BTBD10: variants seen among roughly 807,000 people sequenced by gnomAD.
The protein encoded by BTBD10 is BTB domain containing 10.
BTBD10 carries 21 observed loss-of-function variants against 53.2 expected under a neutral mutation model. The observed-to-expected ratio is 0.39, with a 90% confidence interval of 0.28 to 0.57. BTBD10 has a LOEUF of 0.57. Ranked by LOEUF, BTBD10 falls within the 20% of genes least tolerant of loss-of-function variation. The pLI, the probability that BTBD10 is intolerant of heterozygous loss-of-function variation, is 0.53. For missense variants in BTBD10, 360 were observed against 594.7 expected, an observed-to-expected ratio of 0.61 and a Z score of 4.10; for synonymous variants, 149 against 192.7, an observed-to-expected ratio of 0.77 and a Z score of 1.88.
intron 4 of BTBD10, 144 bp from the exon 5 acceptor site, chr11:13,417,404 C>A: frequency 3.6e-6 from 2 of 558,190 alleles, no homozygotes; most frequent in Non-Finnish European, 6.0e-6. Flanking sequence ...TGGCAAACAT[C>A]ATAAAAGAAA....
intron 2 of BTBD10, among the ~76,000 whole-genome samples, chr11:13,423,362 ATGTAGATTCTAT>A (rs1181366129): frequency 6.6e-6 from 1 of 152,186 alleles, no homozygotes; most frequent in Non-Finnish European, 1.5e-5. Context: ...CATTTGTAAA[ATGTAGATTCTAT>A]TTATTTTCTA....
intron 2 of BTBD10, among the ~76,000 whole-genome samples, chr11:13,442,641 T>G (rs1161547584): frequency 6.6e-6 from 1 of 152,194 alleles, no homozygotes; most frequent in Non-Finnish European, 1.5e-5. Flanking sequence ...AATTATTCTT[T>G]CTCTGAACTC....
intron 5 of BTBD10, 66 bp from the exon 6 acceptor site, chr11:13,413,716 A>G: frequency 2.1e-6 from 3 of 1,444,198 alleles, no homozygotes; most frequent in East Asian, 4.9e-5. Context: ...ACTTATTATT[A>G]AGGAAGGGCT....
At chr11:13,399,384 G>C (rs969496594) in intron 8 of BTBD10, among the ~76,000 whole-genome samples, 6 of 152,184 alleles carry the variant, frequency 3.9e-5, no homozygotes, top group African/African-American at 1.2e-4. Flanking sequence ...TCGTGCCGTG[G>C]CTTTCAGCTC....
At chr11:13,462,097 T>C (rs991993971) in intron 1 of BTBD10, among the ~76,000 whole-genome samples, 11 of 152,158 alleles carry the variant, frequency 7.2e-5, no homozygotes, top group Admixed American at 6.5e-4. Context: ...TTGGCCGTTA[T>C]GGCTGCATTC....
chr11:13,440,504 G>A (rs1002914171), intron 2 of BTBD10, among the ~76,000 whole-genome samples: 7 of 152,096 alleles, frequency 4.6e-5, no homozygotes, highest in Admixed American at 2.6e-4. Flanking sequence ...TATCCATTCT[G>A]GGCAGTAAAG....
At chr11:13,426,764 A>G (rs931180371) in intron 2 of BTBD10, among the ~76,000 whole-genome samples, 1 of 152,218 alleles carries the variant, frequency 6.6e-6, no homozygotes, top group Non-Finnish European at 1.5e-5. Flanking sequence ...AATCATAAAA[A>G]AGGATTTGGC....
In BTBD10 at chr11:13,442,425, AT is replaced by A. The variant is rs548170432; in HGVS notation, c.101+2598del. Reference sequence around the variant, plus strand: ...CTTGTTTATAAATCCCAGCTCTGCTATTTACAAGTTGGATGGTCCTGGGCAA... The same window carrying A: ...CTTGTTTATAAATCCCAGCTCTGCTATTACAAGTTGGATGGTCCTGGGCAA... On this transcript the variant is annotated intron_variant, in intron 2 of 8. Coordinates refer to ENST00000278174, the MANE Select transcript of BTBD10 (RefSeq NM_032320.7). Among the ~76,000 whole-genome samples, 70 of 152,274 alleles carry A rather than the reference AT, an allele frequency of 4.6e-4. No individual in the cohort carries two copies. The South Asian group carries it at 0.013, about 29-fold the overall frequency.
Position 13,413,539 on chromosome 11 carries a change from T to C in BTBD10, c.799A>G (p.Arg267Gly). Reference sequence around the variant, plus strand: ...AAAACATCATACTTACTGAGATCTCTACATTTAATAGTGCTATATTCAAAA... The same window carrying C: ...AAAACATCATACTTACTGAGATCTCCACATTTAATAGTGCTATATTCAAAA... ...ISFEYSTIKC[R>G]DLSALMHELS... Residue 267 changes from arginine to glycine, a missense_variant, in exon 6 of 9, where the codon AGA (arginine) becomes GGA (glycine). Physicochemically the swap from Arg to Gly is moderately radical, Grantham distance 125. Coordinates refer to ENST00000278174, the MANE Select transcript of BTBD10 (RefSeq NM_032320.7). The C allele has an allele frequency of 1.9e-6, 3 of 1,605,192 alleles. No individual in the cohort carries two copies. Among genetic ancestry groups the C allele is most frequent in the Non-Finnish European group, 2.6e-6 (3 of 1,175,644 alleles).
intron 8 of BTBD10, among the ~76,000 whole-genome samples, chr11:13,389,675 C>T (rs1385105413): frequency 2.0e-5 from 3 of 152,138 alleles, no homozygotes; most frequent in Non-Finnish European, 4.4e-5. Context: ...TGATCTGCCT[C>T]GGCCTCCCAA....
At chr11:13,403,733 G>A (rs1949760051) in intron 7 of BTBD10, among the ~76,000 whole-genome samples, 1 of 152,176 alleles carries the variant, frequency 6.6e-6, no homozygotes, top group Non-Finnish European at 1.5e-5. Context: ...ACATTTCATG[G>A]ATTGAGCAAC....
At chr11:13,396,205 T>C (rs1949547687) in intron 8 of BTBD10, among the ~76,000 whole-genome samples, 3 of 152,162 alleles carry the variant, frequency 2.0e-5, no homozygotes, top group Admixed American at 2.0e-4. Flanking sequence ...TGTATCCTCT[T>C]TTATTTCACT....
At chr11:13,413,755 T>C in intron 5 of BTBD10, 105 bp from the exon 6 acceptor site, 1 of 1,045,978 alleles carries the variant, frequency 9.6e-7, no homozygotes, top group Non-Finnish European at 1.3e-6. Context: ...AGTAGAGAAC[T>C]CTGACATCTC....
intron 1 of BTBD10, among the ~76,000 whole-genome samples, chr11:13,455,101 C>A (rs1442769618): frequency 6.6e-6 from 1 of 152,166 alleles, no homozygotes; most frequent in African/African-American, 2.4e-5. Flanking sequence ...TTAGTAGAGA[C>A]AGGGTTTCAC....
chr11:13,463,121 C>G lies in BTBD10; in HGVS notation c.-87G>C, dbSNP rs1402569626. 1 of 152,584 alleles carries G rather than the reference C, an allele frequency of 6.6e-6. No individual in the cohort carries two copies. The highest frequency in any genetic ancestry group is 1.9e-4 in the East Asian group (1 of 5,182). 9.5% of individuals were successfully genotyped at this position (152,584 alleles called of 1,614,324 possible). A position where few individuals can be genotyped will look rare whatever the true frequency, so the allele number is the denominator to read the frequency against. On this transcript the variant is annotated 5_prime_UTR_variant, in exon 1 of 9. Transcript: ENST00000278174. Reference sequence around the variant, plus strand: ...GAACCTGTAGTCCCCCTTCAGTGCCCACACAAGATTGGGGCAAAGGCCGGG... The same window carrying G: ...GAACCTGTAGTCCCCCTTCAGTGCCGACACAAGATTGGGGCAAAGGCCGGG...
In BTBD10 at chr11:13,445,108, T is replaced by C. The variant is rs781040450; in HGVS notation, c.17A>G (p.His6Arg). The C allele has an allele frequency of 1.2e-6, 2 of 1,613,152 alleles. No homozygotes were observed. The highest frequency in any genetic ancestry group is 2.2e-5 in the East Asian group (1 of 44,870). Residue 6 changes from histidine (H) to arginine (R), a missense_variant, in exon 2 of 9, where the codon CAT becomes CGT. His to Arg is a conservative substitution (Grantham distance 29). Around this residue, in one of 6 missense-constraint regions of BTBD10, gnomAD observed 81 missense variants for 82.6 expected, o/e 0.98. Transcript: ENST00000278174. The stretch of plus-strand genomic sequence containing the variant: ...ATCACTGGAGTTACCATCATAGGGA[T>C]GAGGCCGTCCTGCCATCCCACTCCA... MAGRP[H>R]PYDGNSSDPE...
intron 6 of BTBD10, among the ~76,000 whole-genome samples, chr11:13,410,037 T>C (rs191664162): frequency 1.7e-3 from 264 of 152,246 alleles, no homozygotes; most frequent in South Asian, 5.0e-3. Context: ...AAAGACTACA[T>C]ACTGAGTACA....
intron 1 of BTBD10, among the ~76,000 whole-genome samples, chr11:13,453,027 A>C (rs1221685054): frequency 1.3e-5 from 2 of 152,182 alleles, no homozygotes; most frequent in East Asian, 3.8e-4. Context: ...ACATATATAC[A>C]TAATGAATAC....
chr11:13,430,501 T>C (rs1950427172), intron 2 of BTBD10, among the ~76,000 whole-genome samples: 1 of 152,206 alleles, frequency 6.6e-6, no homozygotes, highest in Admixed American at 6.5e-5. Flanking sequence ...ACTCTAGCCA[T>C]ATGATTCAGC....
Sources: gnomAD v4.1 joint callset for allele counts (sites outside exome capture counted in the v4.1 genomes callset) on GRCh38, gnomAD v4.1.1 for gene constraint, gnomAD v4.1.1 regional missense constraint, MANE v1.5 for transcripts, NCBI Gene and HGNC (gene_info 2026-07-23, HGNC 2026-07-21) for gene names.